Variants in EFCAB6 observed in about 807,000 individuals in gnomAD.
EFCAB6 encodes the protein EF-hand calcium binding domain 6.
A neutral mutation model predicts 169.8 loss-of-function variants in EFCAB6; 156 were observed. The observed-to-expected ratio is 0.92, with a 90% CI of 0.81 to 1.05. EFCAB6 has a LOEUF of 1.05. Ranked by LOEUF, EFCAB6 falls within the 50% of genes least tolerant of loss-of-function variation. The pLI is 0.00. For missense variants in EFCAB6, 1,800 were observed against 1,829.1 expected (o/e 0.98, Z 0.29); for synonymous variants, 698 against 676.4 (o/e 1.03, Z -0.50).
chr22:43,755,818 T>C lies in EFCAB6; in HGVS notation c.455A>G (p.Glu152Gly), dbSNP rs201789652. 1.5e-5 allele frequency: 24 copies of C among 1,605,572 alleles called. No individual in the cohort carries two copies. The highest frequency in any genetic ancestry group is 2.0e-5 in the Non-Finnish European group (24 of 1,177,608). The part of the protein sequence containing the change: ...INGIKRGGGN[E>G]MNCCRTLREL... Reference sequence around the variant, plus strand: ...TCTTAATGTGCGGCAGCAATTCATTTCATTCCCACCTCCCCTTAGAAATAA... The same window carrying C: ...TCTTAATGTGCGGCAGCAATTCATTCCATTCCCACCTCCCCTTAGAAATAA... The change falls in exon 6 of 32, where the codon GAA becomes GGA. Residue 152 changes from glutamate to glycine, a missense_variant. Coordinates refer to ENST00000262726, the MANE Select transcript of EFCAB6 (RefSeq NM_022785.4).
At chr22:43,775,824 T>C (rs900412017) in intron 3 of EFCAB6, among the ~76,000 whole-genome samples, 16 of 152,120 alleles carry the variant, frequency 1.1e-4, no homozygotes, top group African/African-American at 3.9e-4. Flanking sequence ...GCAGGCCACA[T>C]ATAGGAGTTC....
intron 20 of EFCAB6, among the ~76,000 whole-genome samples, chr22:43,617,541 C>T (rs966115694): frequency 6.6e-6 from 1 of 152,212 alleles, no homozygotes; most frequent in Non-Finnish European, 1.5e-5. Context: ...TCCCCTTCCT[C>T]ATTTTACATA....
intron 22 of EFCAB6, among the ~76,000 whole-genome samples, chr22:43,604,334 T>C (rs1242279151): frequency 6.6e-6 from 1 of 152,058 alleles, no homozygotes; most frequent in Admixed American, 6.5e-5. Flanking sequence ...CCAGTACCCA[T>C]CAAGAGCCAA....
intron 23 of EFCAB6, among the ~76,000 whole-genome samples, chr22:43,591,464 A>C (rs995234561): frequency 6.9e-6 from 1 of 145,048 alleles, no homozygotes; most frequent in African/African-American, 2.6e-5. Flanking sequence ...CTTATAAAAA[A>C]AAAAAAAAAA....
chr22:43,541,612 A>G (rs1267478256), intron 27 of EFCAB6, among the ~76,000 whole-genome samples: 3 of 152,064 alleles, frequency 2.0e-5, no homozygotes, highest in African/African-American at 4.8e-5. Flanking sequence ...TTTTGTGGAG[A>G]AGTGAGGGGA....
intron 9 of EFCAB6, among the ~76,000 whole-genome samples, chr22:43,712,167 T>C (rs1339081502): frequency 6.6e-6 from 1 of 152,206 alleles, no homozygotes; most frequent in East Asian, 1.9e-4. Context: ...TGAACGAGCT[T>C]TGCTTATGGG....
chr22:43,586,109 C>T (rs1198140325), intron 24 of EFCAB6, among the ~76,000 whole-genome samples: 2 of 151,894 alleles, frequency 1.3e-5, no homozygotes, highest in African/African-American at 4.8e-5. Context: ...AAAATAACAT[C>T]TTTTTTTTCT....
intron 20 of EFCAB6, 86 bp from the exon 21 acceptor site, chr22:43,616,008 T>C (rs1411798988): frequency 6.5e-6 from 7 of 1,076,380 alleles, no homozygotes; most frequent in Non-Finnish European, 9.3e-6. Context: ...CCCCCCTGTT[T>C]GTTTCAAGGA....
intron 27 of EFCAB6, among the ~76,000 whole-genome samples, chr22:43,544,222 A>G (rs2047910619): frequency 6.6e-6 from 1 of 151,892 alleles, no homozygotes; most frequent in Non-Finnish European, 1.5e-5. Flanking sequence ...AATATCCACT[A>G]TGGTCCCCTC....
chr22:43,604,873 T>G (rs1358975775), intron 22 of EFCAB6, among the ~76,000 whole-genome samples: 1 of 152,196 alleles, frequency 6.6e-6, no homozygotes, highest in East Asian at 1.9e-4. Context: ...CTGGCTAGTT[T>G]CACACACGCA....
At chr22:43,612,356 C>T (rs1428111483) in intron 21 of EFCAB6, among the ~76,000 whole-genome samples, 1 of 152,178 alleles carries the variant, frequency 6.6e-6, no homozygotes, top group Non-Finnish European at 1.5e-5. Flanking sequence ...AATAAAGAGA[C>T]AACCTACAGA....
intron 21 of EFCAB6, among the ~76,000 whole-genome samples, chr22:43,614,354 G>A (rs972448131): frequency 3.9e-5 from 6 of 152,018 alleles, no homozygotes; most frequent in African/African-American, 1.2e-4. Context: ...CTTGACAAAG[G>A]GGCAAAGGCA....
intron 17 of EFCAB6, among the ~76,000 whole-genome samples, chr22:43,640,666 G>A (rs1173441136): frequency 1.3e-5 from 2 of 152,152 alleles, no homozygotes; most frequent in East Asian, 1.9e-4. Context: ...GTAGAAAATG[G>A]GAACTCACTC....
intron 25 of EFCAB6, among the ~76,000 whole-genome samples, chr22:43,578,463 G>A (rs1027128778): frequency 2.6e-5 from 4 of 152,180 alleles, no homozygotes; most frequent in East Asian, 3.9e-4. Flanking sequence ...TGATTCCGAC[G>A]CTGCCTTGTT....
In EFCAB6 at chr22:43,687,469, A is replaced by G. The variant is rs760096396; in HGVS notation, c.1142+2T>C. 1 of 1,322,608 alleles carries G rather than the reference A, an allele frequency of 7.6e-7. No individual in the cohort carries two copies. The highest frequency in any genetic ancestry group is 1.7e-5 in the South Asian group (1 of 58,996). The allele number at this position is 1,322,608 out of a possible 1,614,324, so 81.9% of individuals were successfully genotyped here. On this transcript the variant is annotated splice_donor_variant, in intron 11 of 31. Coordinates refer to ENST00000262726, the MANE Select transcript of EFCAB6 (RefSeq NM_022785.4). LOFTEE classifies it high-confidence loss of function. ...TTTGTTTTTTTTTTTTTTTTTACAT[A>G]CCTATTTCTTTTTGTCAGGGGACCT...
At position 43,635,163 on chromosome 22, in the gene EFCAB6, G is replaced by A; in HGVS notation, c.2037C>T (p.Thr679=). The change falls in exon 18 of 32, where the codon ACC becomes ACT. Residue 679 remains threonine, a synonymous_variant. Coordinates refer to ENST00000262726, the MANE Select transcript of EFCAB6 (RefSeq NM_022785.4). ...CTTCCTTCTCGAAGCCTATTTTAGT[G>A]GTCAGCAGGGCATACTGATCATCGT... The part of the protein sequence containing the change: ...PMDDDQYALL[T]TKIGFEKEGM... 6.2e-7 allele frequency: 1 copy of A among 1,614,102 alleles called. No individual in the cohort carries two copies. The highest frequency in any genetic ancestry group is 1.7e-5 in the Admixed American group (1 of 60,014).
chr22:43,677,325 G>A (rs2057801717), intron 13 of EFCAB6, among the ~76,000 whole-genome samples: 1 of 152,168 alleles, frequency 6.6e-6, no homozygotes, highest in African/African-American at 2.4e-5. Context: ...ATGAGAACCA[G>A]AGTAGTCACT....
At chr22:43,774,230 C>T (rs2061566919) in intron 3 of EFCAB6, among the ~76,000 whole-genome samples, 1 of 151,444 alleles carries the variant, frequency 6.6e-6, no homozygotes, top group Non-Finnish European at 1.5e-5. Flanking sequence ...GTGACCTGGG[C>T]AGGTAAAAGA....
At chr22:43,772,114 C>T (rs1225650609) in intron 4 of EFCAB6, among the ~76,000 whole-genome samples, 1 of 152,188 alleles carries the variant, frequency 6.6e-6, no homozygotes, top group African/African-American at 2.4e-5. Flanking sequence ...AACTCCCAGC[C>T]ACCCTGTCGT....
Sources: gnomAD v4.1 joint callset for allele counts (sites outside exome capture counted in the v4.1 genomes callset) on GRCh38, gnomAD v4.1.1 for gene constraint, MANE v1.5 for transcripts, NCBI Gene and HGNC (gene_info 2026-07-23, HGNC 2026-07-21) for gene names.